BMPR2: variants seen among roughly 807,000 people sequenced by gnomAD.
The protein encoded by BMPR2 is bone morphogenetic protein receptor type 2.
BMPR2 carries 29 observed loss-of-function variants against 100.8 expected under a neutral mutation model. The observed-to-expected ratio is 0.29, with a 90% CI of 0.21 to 0.39. The LOEUF (loss-of-function observed/expected upper bound fraction) is 0.39, where lower values mean the gene tolerates loss of function less well. Among genes scored for constraint, BMPR2 ranks in the 10% least tolerant of loss-of-function variants. The pLI is 1.00. For synonymous variants in BMPR2, 382 were observed against 442.3 expected (o/e 0.86, Z 1.71); for missense variants, 1,011 against 1,274.5 (o/e 0.79, Z 3.15).
intron 1 of BMPR2, among the ~76,000 whole-genome samples, chr2:202,430,946 C>T (rs943922473): frequency 2.0e-5 from 3 of 146,536 alleles, no homozygotes; most frequent in Admixed American, 6.8e-5. Flanking sequence ...GCAACAAGAG[C>T]GAAACTCTGT....
chr2:202,410,672 C>T (rs577725675), intron 1 of BMPR2, among the ~76,000 whole-genome samples: 7 of 152,180 alleles, frequency 4.6e-5, no homozygotes, highest in East Asian at 1.9e-4. Flanking sequence ...TTCCACCTCC[C>T]GGGTTCACAA....
intron 1 of BMPR2, among the ~76,000 whole-genome samples, chr2:202,457,086 GCCAAATTGA>G (rs1408838244): frequency 6.6e-6 from 1 of 151,786 alleles, no homozygotes; most frequent in Non-Finnish European, 1.5e-5. Flanking sequence ...ACTATTGTCT[GCCAAATTGA>G]CCATATTTTC....
At chr2:202,466,355 C>T (rs539865977) in intron 2 of BMPR2, among the ~76,000 whole-genome samples, 63 of 151,610 alleles carry the variant, frequency 4.2e-4, no homozygotes, top group Admixed American at 7.2e-4. Flanking sequence ...GGTGGGATCT[C>T]GGCTCACTGC....
intron 10 of BMPR2, 50 bp from the exon 11 acceptor site, chr2:202,552,666 A>T: frequency 6.4e-7 from 1 of 1,569,274 alleles, no homozygotes. Context: ...AAAGCTCAAT[A>T]CATTTTTTTT....
At position 202,555,317 on chromosome 2, in the gene BMPR2, A is replaced by G; in HGVS notation, c.1652A>G (p.Tyr551Cys). 2 of 1,614,168 alleles carry G rather than the reference A, an allele frequency of 1.2e-6. No individual in the cohort carries two copies. The highest frequency in any genetic ancestry group is 8.5e-7 in the Non-Finnish European group (1 of 1,180,004). ...TATCCAGATTATTCTTCCTCCTCAT[A>G]CATTGAAGACTCTATCCATCATACT... ...GPYPDYSSSS[Y>C]IEDSIHHTDS... The change falls in exon 12 of 13, where the codon TAC becomes TGC. Residue 551 changes from tyrosine to cysteine, a missense_variant. Tyr to Cys is a radical substitution (Grantham distance 194, BLOSUM62 -2). This residue lies in a region of BMPR2 where 508 missense variants were observed against 552.0 expected (regional missense o/e 0.92). Coordinates refer to ENST00000374580, the MANE Select transcript of BMPR2 (RefSeq NM_001204.7).
intron 1 of BMPR2, among the ~76,000 whole-genome samples, chr2:202,445,752 G>T (rs1691836218): frequency 6.8e-6 from 1 of 146,954 alleles, no homozygotes; most frequent in Non-Finnish European, 1.5e-5. Context: ...AAGCCACCAT[G>T]CCTAGCCCTA....
intron 3 of BMPR2, among the ~76,000 whole-genome samples, chr2:202,510,144 C>A (rs372069729): frequency 6.6e-6 from 1 of 152,090 alleles, no homozygotes; most frequent in South Asian, 2.1e-4. Context: ...TTTGGCTGGG[C>A]GCGGTGGCTT....
intron 1 of BMPR2, among the ~76,000 whole-genome samples, chr2:202,410,705 G>A (rs551642372): frequency 3.6e-4 from 55 of 151,956 alleles, no homozygotes; most frequent in South Asian, 1.0e-3. Flanking sequence ...TCAGCCACCC[G>A]AGCAGCTGGG....
chr2:202,539,820 G>A (rs192838239), intron 9 of BMPR2, among the ~76,000 whole-genome samples: 1 of 152,248 alleles, frequency 6.6e-6, no homozygotes, highest in Non-Finnish European at 1.5e-5. Flanking sequence ...GGGGTGAGAA[G>A]CAGGTAATGG....
At chr2:202,559,522 A>G (rs1406624153) in intron 12 of BMPR2, among the ~76,000 whole-genome samples, 174 bp from the exon 13 acceptor site, 2 of 152,166 alleles carry the variant, frequency 1.3e-5, no homozygotes, top group Admixed American at 6.5e-5. Flanking sequence ...AAGAGTCTCA[A>G]AAATAAGTTG....
chr2:202,457,588 A>AGT (rs1692145742), intron 1 of BMPR2, among the ~76,000 whole-genome samples: 1 of 148,214 alleles, frequency 6.7e-6, no homozygotes, highest in East Asian at 2.0e-4. Flanking sequence ...AGAGAGAGAG[A>AGT]GAGAGTATTA....
At chr2:202,453,961 TAAA>T (rs1692037787) in intron 1 of BMPR2, among the ~76,000 whole-genome samples, 2 of 152,108 alleles carry the variant, frequency 1.3e-5, no homozygotes, top group Non-Finnish European at 2.9e-5. Flanking sequence ...CCCACAAAAA[TAAA>T]AAAATTTTTT....
chr2:202,490,508 A>G (rs1692878699), intron 3 of BMPR2, among the ~76,000 whole-genome samples: 1 of 152,246 alleles, frequency 6.6e-6, no homozygotes, highest in Non-Finnish European at 1.5e-5. Context: ...ATGGACATCC[A>G]AAATGTACCC....
rs775658167 is a variant in BMPR2 at position 202,503,028 on chromosome 2, T to G, written c.419-10691T>G. Among the ~76,000 whole-genome samples the G allele has an allele frequency of 6.6e-6, 1 of 152,212 alleles. No homozygotes were observed. The highest frequency in any genetic ancestry group is 2.4e-5 in the African/African-American group (1 of 41,456). On this transcript the variant is annotated intron_variant, in intron 3 of 12. Coordinates refer to ENST00000374580, the MANE Select transcript of BMPR2 (RefSeq NM_001204.7). The surrounding 1 kb of genome is among the most constrained non-coding windows in gnomAD (Gnocchi z 4.0). ...CCCCAAATGAGTTCAACTAACAACT[T>G]CTACTGAGGACTCCTGGACCGACCC...
At chr2:202,433,736 C>T (rs1017243281) in intron 1 of BMPR2, among the ~76,000 whole-genome samples, 3 of 150,214 alleles carry the variant, frequency 2.0e-5, no homozygotes, top group Non-Finnish European at 2.9e-5. Flanking sequence ...GGTGTAACCC[C>T]GTCTCTACTA....
At position 202,437,015 on chromosome 2, in the gene BMPR2, A is replaced by AT. The variant is rs944816096; in HGVS notation, c.77-27784dup. Among the ~76,000 whole-genome samples the AT allele has an allele frequency of 2.5e-3, 367 of 148,464 alleles. 27 individuals carry two copies. Among genetic ancestry groups the AT allele is most frequent in the African/African-American group, 8.8e-3 (345 of 39,206 alleles). Reference sequence around the variant, plus strand: ...TTTGGGGCTTCCTCAAAAACTCTAAATTTTTTTTTTGAGATGGAGTCTCGC... The same window carrying AT: ...TTTGGGGCTTCCTCAAAAACTCTAAATTTTTTTTTTTGAGATGGAGTCTCGC... On this transcript the variant is annotated intron_variant, in intron 1 of 12. Transcript: ENST00000374580.
At chr2:202,378,410 C>A (rs1690200815) in intron 1 of BMPR2, among the ~76,000 whole-genome samples, 1 of 152,124 alleles carries the variant, frequency 6.6e-6, no homozygotes, top group Non-Finnish European at 1.5e-5. Flanking sequence ...AACTCGTACA[C>A]TTGGTTTATG....
chr2:202,426,448 G>T (rs1428371962), intron 1 of BMPR2, among the ~76,000 whole-genome samples: 1 of 151,652 alleles, frequency 6.6e-6, no homozygotes, highest in Non-Finnish European at 1.5e-5. Context: ...AGGCGTGGTG[G>T]CGGGTGCTTG....
At chr2:202,554,475 A>T (rs1688529273) in intron 11 of BMPR2, among the ~76,000 whole-genome samples, 1 of 152,096 alleles carries the variant, frequency 6.6e-6, no homozygotes, top group Non-Finnish European at 1.5e-5. Context: ...TATTTTCCTG[A>T]GTCTTACCCT....
Sources: allele counts gnomAD v4.1 joint callset (sites outside exome capture counted in the v4.1 genomes callset), GRCh38; gene constraint gnomAD v4.1.1; regional missense constraint gnomAD v4.1.1; non-coding constraint Gnocchi (gnomAD v3.1); transcripts MANE v1.5; gene names NCBI Gene and HGNC (gene_info 2026-07-23, HGNC 2026-07-21).